Variants in GALNT17 observed in about 807,000 individuals in gnomAD.
The protein encoded by GALNT17 is polypeptide N-acetylgalactosaminyltransferase 17, also known as UDP-GalNAc:polypeptide N-acetylgalactosaminyltransferase-like 3.
GALNT17 carries 29 observed loss-of-function variants against 63.7 expected under a neutral mutation model. The ratio of observed to expected loss-of-function variants is 0.46; its 90% CI spans 0.34 to 0.62. The LOEUF (loss-of-function observed/expected upper bound fraction) is 0.62. Ranked by LOEUF, GALNT17 falls within the 20% of genes least tolerant of loss-of-function variation. The pLI is 0.01. For missense variants in GALNT17, 603 were observed against 799.6 expected (o/e 0.75, Z 2.97); for synonymous variants, 305 against 318.3 (o/e 0.96, Z 0.45).
intron 6 of GALNT17, among the ~76,000 whole-genome samples, chr7:71,660,549 T>C (rs1790892793): frequency 6.6e-6 from 1 of 152,184 alleles, no homozygotes; most frequent in Admixed American, 6.5e-5. Context: ...CGCAGGACCC[T>C]TTCTTGGGAC....
At chr7:71,578,764 G>C (rs989676835) in intron 6 of GALNT17, among the ~76,000 whole-genome samples, 1 of 152,098 alleles carries the variant, frequency 6.6e-6, no homozygotes, top group Admixed American at 6.6e-5. Flanking sequence ...CTTCCCTCTT[G>C]TCTACAGCTA....
chr7:71,181,345 C>T (rs1035290965), intron 1 of GALNT17, among the ~76,000 whole-genome samples: 10 of 151,676 alleles, frequency 6.6e-5, no homozygotes, highest in African/African-American at 2.4e-4. Flanking sequence ...GGAGCCCTTT[C>T]AAAAGAGGAA....
chr7:71,304,766 TGA>T (rs1791259537), intron 1 of GALNT17, among the ~76,000 whole-genome samples: 1 of 152,012 alleles, frequency 6.6e-6, no homozygotes, highest in Admixed American at 6.5e-5. Context: ...TTTTTTTTTT[TGA>T]GATGGAGTTT....
At chr7:71,359,009 A>C (rs1164452064) in intron 2 of GALNT17, among the ~76,000 whole-genome samples, 1 of 152,256 alleles carries the variant, frequency 6.6e-6, no homozygotes, top group East Asian at 1.9e-4. Context: ...TCCTGACCTC[A>C]AGTGATCCTC....
chr7:71,324,676 C>T (rs1183669890), intron 1 of GALNT17, among the ~76,000 whole-genome samples: 1 of 151,746 alleles, frequency 6.6e-6, no homozygotes, highest in African/African-American at 2.4e-5. Flanking sequence ...GAGTTAGCAC[C>T]AAGAGTCATT....
chr7:71,450,591 G>A (rs188402762), intron 5 of GALNT17, among the ~76,000 whole-genome samples: 218 of 152,246 alleles, frequency 1.4e-3, no homozygotes, highest in African/African-American at 4.9e-3. Flanking sequence ...TTTTTAGTAC[G>A]TTCACAGAGT....
At chr7:71,224,517 C>G (rs1318823428) in intron 1 of GALNT17, among the ~76,000 whole-genome samples, 1 of 152,220 alleles carries the variant, frequency 6.6e-6, no homozygotes, top group Non-Finnish European at 1.5e-5. Context: ...CCTGAATTTA[C>G]TTCCCATCCT....
chr7:71,523,282 A>G (rs1252604882), intron 5 of GALNT17, among the ~76,000 whole-genome samples: 1 of 152,184 alleles, frequency 6.6e-6, no homozygotes, highest in African/African-American at 2.4e-5. Context: ...TTAAAAATTT[A>G]GTCAGGCGTG....
intron 6 of GALNT17, among the ~76,000 whole-genome samples, chr7:71,617,687 GGCTGGAGT>G (rs1327657129): frequency 1.1e-4 from 17 of 151,552 alleles, no homozygotes; most frequent in Non-Finnish European, 1.9e-4. Context: ...CTGTCACCCA[GGCTGGAGT>G]GCTGTGGCGC....
At chr7:71,512,774 C>G (rs1336702932) in intron 5 of GALNT17, among the ~76,000 whole-genome samples, 1 of 152,186 alleles carries the variant, frequency 6.6e-6, no homozygotes, top group Non-Finnish European at 1.5e-5. Flanking sequence ...GACAACCAGG[C>G]ACAAACTTGT....
chr7:71,211,426 A>G (rs1490990810), intron 1 of GALNT17, among the ~76,000 whole-genome samples: 2 of 152,228 alleles, frequency 1.3e-5, no homozygotes, highest in East Asian at 1.9e-4. Flanking sequence ...AAGTCCAGTT[A>G]AACCTCATTT....
chr7:71,326,315 A>G (rs1043369800), intron 1 of GALNT17, among the ~76,000 whole-genome samples: 10 of 152,184 alleles, frequency 6.6e-5, no homozygotes, highest in African/African-American at 2.4e-4. Context: ...AAAATTAGCC[A>G]TGCAGGATGG....
intron 5 of GALNT17, among the ~76,000 whole-genome samples, chr7:71,551,702 G>A (rs541537321): frequency 3.0e-4 from 45 of 150,980 alleles, no homozygotes; most frequent in African/African-American, 1.1e-3. Context: ...ACGGTACATT[G>A]AGCTATGATC....
At chr7:71,701,582 AT>A (rs1388772396) in intron 9 of GALNT17, among the ~76,000 whole-genome samples, 1 of 151,754 alleles carries the variant, frequency 6.6e-6, no homozygotes, top group Non-Finnish European at 1.5e-5. Context: ...ACTCCTGGGT[AT>A]CTACCCAAAG....
At chr7:71,676,367 A>G (rs1791149947) in intron 8 of GALNT17, among the ~76,000 whole-genome samples, 1 of 151,952 alleles carries the variant, frequency 6.6e-6, no homozygotes, top group South Asian at 2.1e-4. Context: ...ATTTTATGAT[A>G]GTAAGCTTTT....
At chr7:71,457,537 G>C (rs1159136187) in intron 5 of GALNT17, among the ~76,000 whole-genome samples, 1 of 152,202 alleles carries the variant, frequency 6.6e-6, no homozygotes, top group Non-Finnish European at 1.5e-5. Context: ...GAAGGCTGCT[G>C]GTTGCCCATT....
intron 1 of GALNT17, among the ~76,000 whole-genome samples, chr7:71,231,327 G>T (rs961758918): frequency 6.6e-6 from 1 of 151,796 alleles, no homozygotes; most frequent in African/African-American, 2.4e-5. Flanking sequence ...CTGGTATCTG[G>T]GTTTTCCCCC....
At chr7:71,502,105 G>A (rs533605789) in intron 5 of GALNT17, among the ~76,000 whole-genome samples, 3 of 152,068 alleles carry the variant, frequency 2.0e-5, no homozygotes, top group Non-Finnish European at 4.4e-5. Context: ...ACATACGCAG[G>A]CTCTTGCATT....
chr7:71,712,044 G>C lies in GALNT17; in HGVS notation c.1695G>C (p.Thr565=), dbSNP rs371626273. The change falls in exon 11 of 11, where the codon ACG becomes ACC. Residue 565 remains threonine (T), a synonymous_variant. Coordinates refer to ENST00000333538, the MANE Select transcript of GALNT17 (RefSeq NM_022479.3). ...IQNGAIMNKG[T]GRCLEVENRG... The stretch of plus-strand genomic sequence containing the variant: ...ATGGAGCCATCATGAACAAGGGCAC[G>C]GGACGCTGCCTGGAGGTGGAGAACC... The C allele has an allele frequency of 4.2e-5, 67 of 1,613,816 alleles. No homozygotes were observed. The East Asian group carries it at 1.4e-3, about 33-fold the overall frequency.
Sources: gnomAD v4.1 joint callset for allele counts (sites outside exome capture counted in the v4.1 genomes callset) on GRCh38, gnomAD v4.1.1 for gene constraint, MANE v1.5 for transcripts, NCBI Gene and HGNC (gene_info 2026-07-23, HGNC 2026-07-21) for gene names.